EYA4: variants seen among roughly 807,000 people sequenced by gnomAD.
The protein encoded by EYA4 is protein phosphatase EYA4.
In EYA4, 31 loss-of-function variants were observed where a neutral mutation model predicts 87.9. The observed-to-expected ratio is 0.35, with a 90% CI of 0.27 to 0.48. The LOEUF (loss-of-function observed/expected upper bound fraction) is 0.48, where lower values mean the gene tolerates loss of function less well. Among genes scored for constraint, EYA4 ranks in the 20% least tolerant of loss-of-function variants. The pLI, the probability that EYA4 is intolerant of heterozygous loss-of-function variation, is 0.99. For synonymous variants in EYA4, 263 were observed against 270.6 expected (o/e 0.97, Z 0.28); for missense variants, 678 against 761.4 (o/e 0.89, Z 1.29).
At chr6:133,242,278 C>T (rs1336375176) in intron 1 of EYA4, among the ~76,000 whole-genome samples, 1 of 152,234 alleles carries the variant, frequency 6.6e-6, no homozygotes, top group African/African-American at 2.4e-5. Flanking sequence ...TGCGTGTGTA[C>T]TTTAAAGGCT....
intron 11 of EYA4, among the ~76,000 whole-genome samples, chr6:133,474,295 C>T (rs530440799): frequency 2.2e-4 from 33 of 152,048 alleles, no homozygotes; most frequent in Non-Finnish European, 4.0e-4. Context: ...CATATAATCA[C>T]GAGAAAGCTT....
At chr6:133,504,304 A>G (rs1256876148) in intron 13 of EYA4, among the ~76,000 whole-genome samples, 1 of 152,218 alleles carries the variant, frequency 6.6e-6, no homozygotes, top group Non-Finnish European at 1.5e-5. Flanking sequence ...ATAGTCCCAA[A>G]TGGTTCTGTC....
chr6:133,268,525 A>G (rs1776421815), intron 1 of EYA4, among the ~76,000 whole-genome samples: 1 of 152,172 alleles, frequency 6.6e-6, no homozygotes, highest in Non-Finnish European at 1.5e-5. Context: ...GCCACAGTTC[A>G]GTCTGGGAGA....
At chr6:133,317,625 T>A (rs372917190) in intron 2 of EYA4, among the ~76,000 whole-genome samples, 19 of 152,154 alleles carry the variant, frequency 1.2e-4, no homozygotes, top group African/African-American at 4.6e-4. Context: ...TACATCTCAA[T>A]GTTCTGGAGT....
intron 1 of EYA4, among the ~76,000 whole-genome samples, chr6:133,242,688 C>A (rs1354853203): frequency 1.3e-5 from 2 of 152,134 alleles, no homozygotes; most frequent in African/African-American, 2.4e-5. Flanking sequence ...CCTTTGTTTG[C>A]GAGATTCTGA....
chr6:133,318,477 G>A (rs963785205), intron 2 of EYA4, among the ~76,000 whole-genome samples: 13 of 152,088 alleles, frequency 8.5e-5, no homozygotes, highest in African/African-American at 2.2e-4. Flanking sequence ...ATCCTAGTTC[G>A]CTTGGTGCCT....
intron 2 of EYA4, among the ~76,000 whole-genome samples, chr6:133,329,983 G>T (rs1781798267): frequency 6.6e-6 from 1 of 152,054 alleles, no homozygotes; most frequent in African/African-American, 2.4e-5. Context: ...AAAGATGATT[G>T]AATTGGGTCA....
chr6:133,277,670 C>G (rs1777290725), intron 2 of EYA4, among the ~76,000 whole-genome samples: 1 of 152,190 alleles, frequency 6.6e-6, no homozygotes, highest in Non-Finnish European at 1.5e-5. Flanking sequence ...GTTCACAGGT[C>G]CACACACTCA....
At chr6:133,404,796 C>T (rs1171268029) in intron 3 of EYA4, among the ~76,000 whole-genome samples, 2 of 152,236 alleles carry the variant, frequency 1.3e-5, no homozygotes, top group African/African-American at 4.8e-5. Flanking sequence ...AGCCCTGCCT[C>T]ATCACCCACC....
At chr6:133,509,418 C>T (rs1056361355) in intron 14 of EYA4, among the ~76,000 whole-genome samples, 4 of 150,690 alleles carry the variant, frequency 2.7e-5, no homozygotes, top group African/African-American at 4.9e-5. Context: ...AAAAAAAAAC[C>T]GAACCATCTA....
intron 3 of EYA4, among the ~76,000 whole-genome samples, chr6:133,405,829 G>C (rs1321879151): frequency 6.6e-6 from 1 of 152,096 alleles, no homozygotes; most frequent in Non-Finnish European, 1.5e-5. Context: ...GCCAGGGAAG[G>C]CCTTAGTGAG....
At chr6:133,387,386 G>A (rs1160723128) in intron 3 of EYA4, among the ~76,000 whole-genome samples, 1 of 152,120 alleles carries the variant, frequency 6.6e-6, no homozygotes, top group African/African-American at 2.4e-5. Context: ...CAAATCAGAG[G>A]TCCATCTAGC....
intron 12 of EYA4, among the ~76,000 whole-genome samples, chr6:133,482,456 A>C (rs1302050414): frequency 6.6e-6 from 1 of 152,212 alleles, no homozygotes; most frequent in Non-Finnish European, 1.5e-5. Flanking sequence ...CAGCCTGGCC[A>C]CAACTTCTAG....
chr6:133,436,221 AG>A (rs1289599918), intron 3 of EYA4, among the ~76,000 whole-genome samples: 1 of 149,996 alleles, frequency 6.7e-6, no homozygotes, highest in Non-Finnish European at 1.5e-5. Context: ...CTCCGTCTTG[AG>A]GAAAAAAAAA....
chr6:133,398,619 T>G (rs1788000267), intron 3 of EYA4, among the ~76,000 whole-genome samples: 1 of 152,184 alleles, frequency 6.6e-6, no homozygotes, highest in African/African-American at 2.4e-5. Flanking sequence ...TTTCAAGGAC[T>G]TCTACTAAAA....
intron 3 of EYA4, 53 bp downstream of exon 3, chr6:133,382,494 C>T: frequency 8.3e-7 from 1 of 1,203,546 alleles, no homozygotes; most frequent in East Asian, 2.3e-5. Context: ...AGTTTCGGAG[C>T]ACTAGTAAGA....
At position 133,481,577 on chromosome 6, in the gene EYA4, C is replaced by G; in HGVS notation, c.1085C>G (p.Pro362Arg). Residue 362 changes from proline to arginine, a missense_variant, in exon 12 of 20, where the codon CCG becomes CGG. By Grantham distance (103) the Pro-to-Arg change is moderately radical (BLOSUM62 -2). Coordinates refer to ENST00000355286, the MANE Select transcript of EYA4 (RefSeq NM_004100.5). ...AGAGGCCGGAAAAATAATCCCTCCC[C>G]GCCTCCTGATAGTGACCTGGAGGTA... ...RGRGRKNNPS[P>R]PPDSDLERVF... The G allele has an allele frequency of 6.2e-7, 1 of 1,613,944 alleles. No homozygotes were observed. The highest frequency in any genetic ancestry group is 8.5e-7 in the Non-Finnish European group (1 of 1,179,918).
At chr6:133,473,852 C>T (rs752346004) in intron 11 of EYA4, among the ~76,000 whole-genome samples, 1 of 151,858 alleles carries the variant, frequency 6.6e-6, no homozygotes, top group African/African-American at 2.4e-5. Flanking sequence ...TTCTTGGGGT[C>T]CTTAAATTTT....
intron 1 of EYA4, among the ~76,000 whole-genome samples, chr6:133,249,015 G>A (rs6569873): frequency 0.26 from 39,253 of 151,934 alleles, 6,040 homozygotes; most frequent in African/African-American, 0.43. Context: ...TAAAGGTTTC[G>A]TTCATGAAAA....
Sources: allele counts gnomAD v4.1 joint callset (sites outside exome capture counted in the v4.1 genomes callset), GRCh38; gene constraint gnomAD v4.1.1; transcripts MANE v1.5; gene names NCBI Gene and HGNC (gene_info 2026-07-23, HGNC 2026-07-21).